The following PCDH19 variants were observed in gnomAD, a reference collection of about 807,000 sequenced individuals.
PCDH19 encodes the protein protocadherin-19.
In PCDH19, 6 loss-of-function variants were observed where a neutral mutation model predicts 46.2. The observed-to-expected ratio is 0.13, with a 90% confidence interval of 0.07 to 0.26. PCDH19 has a LOEUF of 0.26. Among genes scored for constraint, PCDH19 ranks in the 10% least tolerant of loss-of-function variants. PCDH19 has a pLI of 1.00. For missense variants in PCDH19, 740 were observed against 972.3 expected (o/e 0.76, Z 3.18); for synonymous variants, 481 against 415.7 (o/e 1.16, Z -1.91).
At chrX:100,335,486 A>G (rs1200041341) in intron 5 of PCDH19, among the ~76,000 whole-genome samples, 1 of 112,054 alleles carries the variant, frequency 8.9e-6, no homozygotes, top group Non-Finnish European at 1.9e-5. Context: ...ACATCAAAGG[A>G]GGAATATTTC....
chrX:100,322,865 A>ATATATATATATATATATATATATATT, intron 5 of PCDH19, among the ~76,000 whole-genome samples: 1 of 54,418 alleles, frequency 1.8e-5, no homozygotes, highest in African/African-American at 8.4e-5. Flanking sequence ...ATATATATAT[A>ATATATATATATATATATATATATATT]TTTTTGCAGC....
intron 3 of PCDH19, among the ~76,000 whole-genome samples, chrX:100,401,269 C>G (rs918519466): frequency 8.9e-6 from 1 of 112,018 alleles, no homozygotes; most frequent in Non-Finnish European, 1.9e-5. Context: ...TTCCTCCCAG[C>G]CACCCACCAG....
Position 100,296,354 on chromosome X carries a change from C to A in PCDH19, c.3370G>T (p.Glu1124Ter). 1 of 1,211,813 alleles carries A rather than the reference C, an allele frequency of 8.3e-7. No individual in the cohort carries two copies. The highest frequency in any genetic ancestry group is 1.1e-6 in the Non-Finnish European group (1 of 895,481). Residue 1124 changes from glutamate (E) to a stop codon, truncating the protein, a stop_gained, in exon 6 of 6, where the codon GAG (glutamate) becomes TAG (stop). Coordinates refer to ENST00000373034, the MANE Select transcript of PCDH19 (RefSeq NM_001184880.2). LOFTEE classifies it high-confidence loss of function. ...CCTTCCTTCAGAATGGGGCTGACCT[C>A]ATGCATGACTTTCTCGCTATCAGCT... ...RGADSEKVMH[E>*]VSPILKEGRN...
intron 2 of PCDH19, among the ~76,000 whole-genome samples, chrX:100,403,287 C>T: frequency 9.1e-6 from 1 of 110,182 alleles, no homozygotes; most frequent in Non-Finnish European, 1.9e-5. Flanking sequence ...CGCCCCCACC[C>T]CCTTGCCAGT....
chrX:100,337,369 G>A (rs1926119431), intron 5 of PCDH19, among the ~76,000 whole-genome samples: 1 of 112,242 alleles, frequency 8.9e-6, no homozygotes, highest in African/African-American at 3.2e-5. Context: ...GCTATTAAGA[G>A]ACAGCATTCC....
At chrX:100,356,453 T>G (rs1025673192) in intron 3 of PCDH19, among the ~76,000 whole-genome samples, 1 of 111,708 alleles carries the variant, frequency 9.0e-6, no homozygotes, top group African/African-American at 3.3e-5. Flanking sequence ...CAAAGATGGC[T>G]TTTGGAAATG....
At chrX:100,312,517 C>T (rs1203333587) in intron 5 of PCDH19, among the ~76,000 whole-genome samples, 1 of 111,166 alleles carries the variant, frequency 9.0e-6, no homozygotes, top group East Asian at 2.8e-4. Flanking sequence ...TCCATTTGTC[C>T]GCTTAATTAT....
chrX:100,356,061 A>C (rs1469201808), intron 3 of PCDH19, among the ~76,000 whole-genome samples: 2 of 108,492 alleles, frequency 1.8e-5, no homozygotes, highest in Non-Finnish European at 3.8e-5. Flanking sequence ...CACAAATCCC[A>C]GGTCACTATA....
rs768705921 is a variant in PCDH19, at chrX:100,349,908, T to C, written c.2675+738A>G. Among the ~76,000 whole-genome samples the C allele has an allele frequency of 1.8e-3, 199 of 112,500 alleles. 1 individual carries two copies. Among genetic ancestry groups the C allele is most frequent in the African/African-American group, 6.2e-3 (192 of 31,023 alleles). On this transcript the variant is annotated intron_variant, in intron 4 of 5. Transcript: ENST00000373034. ...GTGCAGCCCACTGCACCAGATGGGA[T>C]CTTTCTTGGCAGGATTCAGCTCTGT... is the stretch of plus-strand genomic sequence containing the variant.
chrX:100,298,959 A>C (rs1040510253), intron 5 of PCDH19, among the ~76,000 whole-genome samples: 1 of 111,713 alleles, frequency 9.0e-6, no homozygotes, highest in African/African-American at 3.3e-5. Flanking sequence ...TTGCCTCTTC[A>C]TCTCTTCCAA....
chrX:100,306,679 A>C (rs766404189), intron 5 of PCDH19, among the ~76,000 whole-genome samples: 1 of 111,597 alleles, frequency 9.0e-6, no homozygotes, highest in Admixed American at 9.5e-5. Flanking sequence ...TAACCAAGAA[A>C]AGAAGAGAGA....
chrX:100,298,309 A>G (rs1197791836), intron 5 of PCDH19, among the ~76,000 whole-genome samples: 1 of 111,690 alleles, frequency 9.0e-6, no homozygotes, highest in Non-Finnish European at 1.9e-5. Flanking sequence ...TGGAGGAAAG[A>G]CATTAGAAGC....
At chrX:100,298,026 T>C (rs1924669720) in intron 5 of PCDH19, among the ~76,000 whole-genome samples, 1 of 110,261 alleles carries the variant, frequency 9.1e-6, no homozygotes, top group African/African-American at 3.3e-5. Context: ...ATATAAAATA[T>C]ATATATTTAT....
chrX:100,383,262 A>C (rs1050759273), intron 3 of PCDH19, among the ~76,000 whole-genome samples: 1 of 112,556 alleles, frequency 8.9e-6, no homozygotes, highest in Non-Finnish European at 1.9e-5. Context: ...CAGATAAGAA[A>C]GCTGAGGCAC....
Position 100,407,019 on chromosome X carries a change from T to C in PCDH19, c.1579A>G (p.Lys527Glu), listed in dbSNP as rs1233922932. 4 of 1,211,776 alleles carry C rather than the reference T, an allele frequency of 3.3e-6. No individual in the cohort carries two copies. Among genetic ancestry groups the C allele is most frequent in the Non-Finnish European group, 3.3e-6 (3 of 895,526 alleles). Reference sequence around the variant, plus strand: ...GCCAGCACCTTGAATTCGAACGCCTTGGTCTGCTCGTGGTTAAAGGATCGC... The same window carrying C: ...GCCAGCACCTTGAATTCGAACGCCTCGGTCTGCTCGTGGTTAAAGGATCGC... ...ALRSFNHEQT[K>E]AFEFKVLAKD... The change falls in exon 1 of 6, where the codon AAG becomes GAG. Residue 527 changes from lysine (K) to glutamate (E), a missense_variant. Physicochemically the swap from Lys to Glu is moderately conservative, Grantham distance 56 (BLOSUM62 1). This residue lies in a region of PCDH19 where 186 missense variants were observed against 319.9 expected (regional missense o/e 0.58). Transcript: ENST00000373034.
chrX:100,333,789 AT>A (rs370118055), intron 5 of PCDH19, among the ~76,000 whole-genome samples: 22,499 of 81,848 alleles, frequency 0.27, 2,567 homozygotes, highest in Non-Finnish European at 0.32. Flanking sequence ...TTTCCTCTTC[AT>A]TTTTTTTTTT....
chrX:100,363,057 G>C (rs1453300013), intron 3 of PCDH19, among the ~76,000 whole-genome samples: 1 of 111,087 alleles, frequency 9.0e-6, no homozygotes, highest in African/African-American at 3.3e-5. Context: ...TGTAATCCTA[G>C]CACTTTGGGA....
chrX:100,403,402 G>T, intron 2 of PCDH19, 122 bp downstream of exon 2: 1 of 668,113 alleles, frequency 1.5e-6, no homozygotes, highest in Non-Finnish European at 2.3e-6. Flanking sequence ...ATTCTTTCGC[G>T]TCTCCTCCAC....
At chrX:100,321,914 T>C (rs865855321) in intron 5 of PCDH19, among the ~76,000 whole-genome samples, 3 of 104,725 alleles carry the variant, frequency 2.9e-5, no homozygotes, top group Admixed American at 1.0e-4. Flanking sequence ...CTCAGCCTCC[T>C]GAGTAGCTGG....
Sources: gnomAD v4.1 joint callset for allele counts (sites outside exome capture counted in the v4.1 genomes callset) on GRCh38, gnomAD v4.1.1 for gene constraint, gnomAD v4.1.1 regional missense constraint, MANE v1.5 for transcripts, NCBI Gene and HGNC (gene_info 2026-07-23, HGNC 2026-07-21) for gene names.